The following GRB14 variants were observed in gnomAD, a reference collection of about 807,000 sequenced individuals.
GRB14 encodes growth factor receptor-bound protein 14.
In GRB14, 38 loss-of-function variants were observed where a neutral mutation model predicts 69.1. That is an observed-to-expected ratio of 0.55 (90% CI 0.42 to 0.72). GRB14 has a LOEUF of 0.72. GRB14 is among the 30% of genes least tolerant of loss of function. GRB14 has a pLI of 0.00. For missense variants in GRB14, 666 were observed against 666.1 expected (o/e 1.00, Z 0.00); for synonymous variants, 247 against 241.3 (o/e 1.02, Z -0.22).
At chr2:164,514,909 G>A (rs1351522878) in intron 6 of GRB14, among the ~76,000 whole-genome samples, 2 of 152,164 alleles carry the variant, frequency 1.3e-5, no homozygotes, top group Non-Finnish European at 2.9e-5. Flanking sequence ...GGGCTGCACA[G>A]GAGCTGCGTG....
At chr2:164,519,552 A>G (rs1294945243) in intron 6 of GRB14, among the ~76,000 whole-genome samples, 1 of 152,198 alleles carries the variant, frequency 6.6e-6, no homozygotes, top group Non-Finnish European at 1.5e-5. Context: ...CTAAACTGGT[A>G]AAGAGGAAGT....
At chr2:164,579,293 A>T (rs1689333723) in intron 2 of GRB14, among the ~76,000 whole-genome samples, 1 of 152,222 alleles carries the variant, frequency 6.6e-6, no homozygotes, top group African/African-American at 2.4e-5. Flanking sequence ...ATAAAGACCC[A>T]AAACACTTCT....
chr2:164,610,299 T>G (rs1690136640), intron 2 of GRB14, among the ~76,000 whole-genome samples: 1 of 152,174 alleles, frequency 6.6e-6, no homozygotes, highest in African/African-American at 2.4e-5. Flanking sequence ...ACTTAATCTT[T>G]TCTAAAGCTG....
intron 2 of GRB14, among the ~76,000 whole-genome samples, chr2:164,617,849 C>T (rs1035510756): frequency 6.6e-6 from 1 of 151,746 alleles, no homozygotes; most frequent in Non-Finnish European, 1.5e-5. Flanking sequence ...ACATAGCAGG[C>T]CCTTAGTAAT....
intron 9 of GRB14, among the ~76,000 whole-genome samples, chr2:164,500,172 T>C (rs1687013253): frequency 6.6e-6 from 1 of 152,130 alleles, no homozygotes. Flanking sequence ...GCAATATTGA[T>C]AAATGCTCCT....
chr2:164,497,382 C>G lies in GRB14; in HGVS notation c.1213G>C (p.Ala405Pro). The change falls in exon 10 of 14, where the codon GCT becomes CCT. Residue 405 changes from alanine (A) to proline (P), a missense_variant. Transcript: ENST00000263915. ...TGTGAAGCTACTTGTACCCTCCAAG[C>G]GAGTCCTTCTTCAACCGCAACTGAA... The part of the protein sequence containing the change: ...ALSVAVEEGL[A>P]WRKKGCLRLG... 14 of 1,612,276 alleles carry G rather than the reference C, an allele frequency of 8.7e-6. No homozygotes were observed. Among genetic ancestry groups the G allele is most frequent in the Non-Finnish European group, 1.2e-5 (14 of 1,178,688 alleles).
At chr2:164,540,413 AG>A (rs1688201326) in intron 3 of GRB14, among the ~76,000 whole-genome samples, 1 of 152,116 alleles carries the variant, frequency 6.6e-6, no homozygotes, top group South Asian at 2.1e-4. Context: ...GTTCAAGACC[AG>A]CCTGGCCAAG....
At chr2:164,585,867 A>T (rs1689525902) in intron 2 of GRB14, among the ~76,000 whole-genome samples, 1 of 152,218 alleles carries the variant, frequency 6.6e-6, no homozygotes, top group Non-Finnish European at 1.5e-5. Flanking sequence ...TTTTCTCAAT[A>T]TAAAACATTA....
rs1688981201 is a variant in GRB14, at chr2:164,566,593, G to C, written c.325-18777C>G. 2.6e-5 allele frequency among the ~76,000 whole-genome samples: 4 copies of C among 152,150 alleles called. No individual in the cohort carries two copies. In the South Asian group the frequency reaches 8.3e-4, roughly 32 times the overall value. ...AACCACCGCTTTCCAGAGTAATCTT[G>C]TTTTCCTACTTGGCAAACAGTGCTA... On this transcript the variant is annotated intron_variant, in intron 2 of 13. Transcript: ENST00000263915.
At chr2:164,511,074 C>T (rs550778885) in intron 6 of GRB14, among the ~76,000 whole-genome samples, 2 of 152,250 alleles carry the variant, frequency 1.3e-5, no homozygotes, top group Admixed American at 6.5e-5. Flanking sequence ...CCAGCCCTAA[C>T]CAGAGGGGAA....
chr2:164,517,252 C>A (rs753464172), intron 6 of GRB14, among the ~76,000 whole-genome samples: 1 of 152,046 alleles, frequency 6.6e-6, no homozygotes, highest in Non-Finnish European at 1.5e-5. Flanking sequence ...TTCACTATCA[C>A]GAGAATAGCA....
rs186986904 is a variant in GRB14 at position 164,550,087 on chromosome 2, C to T, written c.325-2271G>A. ...GTATGAATATTTCAGTAAAAATTGG[C>T]CAGATGTTCACCCAATCCTTTCTCT... On this transcript the variant is annotated intron_variant, in intron 2 of 13. Coordinates refer to ENST00000263915, the MANE Select transcript of GRB14 (RefSeq NM_004490.3). Among the ~76,000 whole-genome samples, 5 of 152,122 alleles carry T rather than the reference C, an allele frequency of 3.3e-5. No homozygotes were observed. The East Asian group carries it at 9.7e-4, about 29-fold the overall frequency.
intron 2 of GRB14, among the ~76,000 whole-genome samples, chr2:164,577,902 A>C (rs997884914): frequency 6.6e-6 from 1 of 152,230 alleles, no homozygotes; most frequent in Non-Finnish European, 1.5e-5. Context: ...ATTCTAAAAA[A>C]TTAATTAGTT....
intron 6 of GRB14, among the ~76,000 whole-genome samples, chr2:164,511,842 G>A (rs1434766256): frequency 6.6e-6 from 1 of 152,168 alleles, no homozygotes; most frequent in Admixed American, 6.5e-5. Context: ...GGGGTCCCCA[G>A]TTCTGGGCCT....
chr2:164,595,892 A>G (rs1246066759), intron 2 of GRB14, among the ~76,000 whole-genome samples: 1 of 152,164 alleles, frequency 6.6e-6, no homozygotes, highest in Non-Finnish European at 1.5e-5. Flanking sequence ...TTGGGAGGCC[A>G]AGGCGGGCGA....
chr2:164,584,638 C>T (rs1451891428), intron 2 of GRB14, among the ~76,000 whole-genome samples: 3 of 151,914 alleles, frequency 2.0e-5, no homozygotes, highest in African/African-American at 7.2e-5. Flanking sequence ...CTAAATATCA[C>T]CATTGCAAAA....
chr2:164,540,445 C>T (rs1270543804), intron 3 of GRB14, among the ~76,000 whole-genome samples: 1 of 151,960 alleles, frequency 6.6e-6, no homozygotes, highest in Non-Finnish European at 1.5e-5. Flanking sequence ...CCTGTCTCTA[C>T]TAAAAATACA....
chr2:164,545,859 T>C (rs1688360319), intron 3 of GRB14, among the ~76,000 whole-genome samples: 1 of 152,194 alleles, frequency 6.6e-6, no homozygotes, highest in South Asian at 2.1e-4. Flanking sequence ...TAGAACATAC[T>C]AAAAGAATAT....
In GRB14 at chr2:164,582,453, G is replaced by A. The variant is rs1282212766; in HGVS notation, c.325-34637C>T. Reference sequence around the variant, plus strand: ...TTTTTTTTTTTTGAGAAGGAGTCTCGCTCTGTTGCCCAGGCTGGAGTGCAG... The same window carrying A: ...TTTTTTTTTTTTGAGAAGGAGTCTCACTCTGTTGCCCAGGCTGGAGTGCAG... On this transcript the variant is annotated intron_variant, in intron 2 of 13. Coordinates refer to ENST00000263915, the MANE Select transcript of GRB14 (RefSeq NM_004490.3). Among the ~76,000 whole-genome samples, 14 of 145,310 alleles carry A rather than the reference G, an allele frequency of 9.6e-5. 1 individual carries two copies. Among genetic ancestry groups the A allele is most frequent in the African/African-American group, 2.0e-4 (8 of 39,034 alleles).
Sources: gnomAD v4.1 joint callset for allele counts (sites outside exome capture counted in the v4.1 genomes callset) on GRCh38, gnomAD v4.1.1 for gene constraint, MANE v1.5 for transcripts, NCBI Gene and HGNC (gene_info 2026-07-23, HGNC 2026-07-21) for gene names.